The following SORCS1 variants were observed in gnomAD, a reference collection of about 807,000 sequenced individuals.
SORCS1 encodes sortilin related VPS10 domain containing receptor 1, also known as VPS10 domain-containing receptor SorCS1.
Under a neutral mutation model 146.1 loss-of-function variants are expected in SORCS1, and 60 were observed. The ratio of observed to expected loss-of-function variants is 0.41; its 90% CI spans 0.33 to 0.51. SORCS1 has a LOEUF of 0.51. Ranked by LOEUF, SORCS1 falls within the 20% of genes least tolerant of loss-of-function variation. The probability of loss-of-function intolerance (pLI) is 0.21; values close to 1 mark genes in which losing one functional copy is unlikely to be tolerated. For missense variants in SORCS1, 1,352 were observed against 1,487.6 expected (o/e 0.91, Z 1.50); for synonymous variants, 637 against 584.0 (o/e 1.09, Z -1.31).
chr10:106,694,274 A>AT (rs1426060236), intron 9 of SORCS1, among the ~76,000 whole-genome samples: 10 of 152,002 alleles, frequency 6.6e-5, no homozygotes, highest in African/African-American at 2.4e-4. Flanking sequence ...TATTATTATT[A>AT]TTTTTCCTTT....
At chr10:107,052,961 T>C (rs1212036669) in intron 1 of SORCS1, among the ~76,000 whole-genome samples, 4 of 152,178 alleles carry the variant, frequency 2.6e-5, no homozygotes, top group Non-Finnish European at 5.9e-5. Context: ...CTGAAAGCCA[T>C]GTAGCTCGCT....
chr10:106,646,565 A>T (rs1270975430), intron 18 of SORCS1, among the ~76,000 whole-genome samples: 1 of 151,900 alleles, frequency 6.6e-6, no homozygotes, highest in East Asian at 2.0e-4. Context: ...GTGTGGTGGC[A>T]TGCCCCTGTA....
intron 24 of SORCS1, among the ~76,000 whole-genome samples, chr10:106,588,890 A>G (rs888335788): frequency 5.7e-4 from 79 of 139,740 alleles, no homozygotes; most frequent in Admixed American, 3.0e-3. Flanking sequence ...AAAAAAAAAA[A>G]GAAGATTCCT....
Position 106,574,801 on chromosome 10 carries a change from T to C in SORCS1, c.*2619A>G, listed in dbSNP as rs2133168501. The C allele has an allele frequency of 6.6e-6, 1 of 152,522 alleles. No homozygotes were observed. Among genetic ancestry groups the C allele is most frequent in the South Asian group, 2.1e-4 (1 of 4,822 alleles). 9.4% of individuals were successfully genotyped at this position (152,522 alleles called of 1,614,324 possible). ...CCTTGCCTCACTAATCTCCTACAGATGGGAGGGAGCTTTGAGGAGAGGCAC... is the reference window on the plus strand; with the variant it reads ...CCTTGCCTCACTAATCTCCTACAGACGGGAGGGAGCTTTGAGGAGAGGCAC... On this transcript the variant is annotated 3_prime_UTR_variant, in exon 26 of 26. Coordinates refer to ENST00000263054, the MANE Select transcript of SORCS1 (RefSeq NM_052918.5).
In SORCS1 at chr10:107,010,846, T is replaced by A. The variant is rs138902769; in HGVS notation, c.559-54266A>T. Among the ~76,000 whole-genome samples, 162 of 152,296 alleles carry A rather than the reference T, an allele frequency of 1.1e-3. 1 individual carries two copies. Among genetic ancestry groups the A allele is most frequent in the African/African-American group, 2.8e-3 (118 of 41,560 alleles). ...ATGGCTTCTTTTCCGCTATAGTGAATGTGTCTTGCAGATAATTTCAGTTTC... is the reference window on the plus strand; with the variant it reads ...ATGGCTTCTTTTCCGCTATAGTGAAAGTGTCTTGCAGATAATTTCAGTTTC... On this transcript the variant is annotated intron_variant, in intron 1 of 25. Coordinates refer to ENST00000263054, the MANE Select transcript of SORCS1 (RefSeq NM_052918.5).
intron 3 of SORCS1, among the ~76,000 whole-genome samples, chr10:106,809,212 A>AAAAT (rs540626014): frequency 6.6e-6 from 1 of 151,818 alleles, no homozygotes; most frequent in Non-Finnish European, 1.5e-5. Context: ...GTATACAATA[A>AAAAT]AAATAAATAA....
the SORCS1 span, among the ~76,000 whole-genome samples, chr10:107,171,119 G>A: frequency 6.6e-6 from 1 of 152,154 alleles, no homozygotes; most frequent in African/African-American, 2.4e-5. Context: ...ACCAACTTCA[G>A]TTTGACACTG....
At chr10:106,719,744 C>G (rs1265145298) in intron 6 of SORCS1, among the ~76,000 whole-genome samples, 1 of 152,130 alleles carries the variant, frequency 6.6e-6, no homozygotes, top group African/African-American at 2.4e-5. Flanking sequence ...TTTTATCACC[C>G]TCCATACCAG....
At chr10:107,053,614 G>T (rs1380248489) in intron 1 of SORCS1, among the ~76,000 whole-genome samples, 1 of 152,120 alleles carries the variant, frequency 6.6e-6, no homozygotes, top group Non-Finnish European at 1.5e-5. Flanking sequence ...CTCACATATG[G>T]ATAGCAATAC....
At chr10:106,977,128 T>C (rs1013565866) in intron 1 of SORCS1, among the ~76,000 whole-genome samples, 4 of 152,180 alleles carry the variant, frequency 2.6e-5, no homozygotes, top group African/African-American at 4.8e-5. Flanking sequence ...TTTTCCACAA[T>C]GGGTGAGCGA....
chr10:106,594,099 T>C (rs1845769995), intron 24 of SORCS1, among the ~76,000 whole-genome samples: 1 of 152,250 alleles, frequency 6.6e-6, no homozygotes, highest in Admixed American at 6.5e-5. Flanking sequence ...GACCTTTGGA[T>C]GCCTTTGCTG....
At chr10:106,912,124 A>C (rs113229839) in intron 2 of SORCS1, among the ~76,000 whole-genome samples, 47 of 146,594 alleles carry the variant, frequency 3.2e-4, no homozygotes, top group Non-Finnish European at 5.4e-4. Context: ...AAAAAAAAAA[A>C]CAAACAAACA....
the SORCS1 span, among the ~76,000 whole-genome samples, chr10:107,180,553 T>A: frequency 2.0e-5 from 3 of 152,142 alleles, no homozygotes; most frequent in African/African-American, 7.2e-5. Context: ...GGTTGTCAAT[T>A]TTTTTATATT....
chr10:106,885,361 G>T (rs1950958476), intron 2 of SORCS1, among the ~76,000 whole-genome samples: 1 of 152,000 alleles, frequency 6.6e-6, no homozygotes, highest in Non-Finnish European at 1.5e-5. Context: ...AGATCAAATA[G>T]AACTGGATGT....
rs554943520 is a variant in SORCS1 at position 106,753,138 on chromosome 10, T to C, written c.959+8450A>G. Among the ~76,000 whole-genome samples, 326 of 152,234 alleles carry C rather than the reference T, an allele frequency of 2.1e-3. 2 individuals carry two copies. Among genetic ancestry groups the C allele is most frequent in the Non-Finnish European group, 3.8e-3 (257 of 68,006 alleles). On this transcript the variant is annotated intron_variant, in intron 5 of 25. Transcript: ENST00000263054. ...GGTATATCTGGTCATTTTTATCTAA[T>C]AGAGTTTTATGCTCTTTCTCTCCTT...
At chr10:106,869,263 CA>C (rs1282557205) in intron 2 of SORCS1, among the ~76,000 whole-genome samples, 1 of 152,190 alleles carries the variant, frequency 6.6e-6, no homozygotes, top group African/African-American at 2.4e-5. Context: ...ACCAGATATA[CA>C]AGTAAGAGCT....
intron 18 of SORCS1, among the ~76,000 whole-genome samples, chr10:106,645,896 G>A (rs1210174553): frequency 6.6e-6 from 1 of 151,760 alleles, no homozygotes; most frequent in African/African-American, 2.4e-5. Flanking sequence ...TCCCCTCTAG[G>A]ACTTAATTTT....
chr10:107,174,433 C>T, the SORCS1 span, among the ~76,000 whole-genome samples: 4 of 152,128 alleles, frequency 2.6e-5, no homozygotes, highest in Non-Finnish European at 5.9e-5. Context: ...TGGTCTCGAT[C>T]TCCTGACCTC....
chr10:106,933,188 A>C (rs779706529), intron 2 of SORCS1, among the ~76,000 whole-genome samples: 2 of 152,226 alleles, frequency 1.3e-5, no homozygotes, highest in Non-Finnish European at 2.9e-5. Flanking sequence ...CAGCAACACT[A>C]ATGAGCAGCT....
Sources: gnomAD v4.1 joint callset for allele counts (sites outside exome capture counted in the v4.1 genomes callset) on GRCh38, gnomAD v4.1.1 for gene constraint, MANE v1.5 for transcripts, NCBI Gene and HGNC (gene_info 2026-07-23, HGNC 2026-07-21) for gene names.